Variants in GSE1 observed in about 807,000 individuals in gnomAD.
GSE1 encodes the protein Gse1 coiled-coil protein.
GSE1 carries 32 observed loss-of-function variants against 112.6 expected under a neutral mutation model. The observed-to-expected ratio is 0.28, with a 90% CI of 0.21 to 0.38. GSE1 has a LOEUF of 0.38. Among genes scored for constraint, GSE1 ranks in the 10% least tolerant of loss-of-function variants. The probability of loss-of-function intolerance (pLI) is 1.00; values close to 1 mark genes in which losing one functional copy is unlikely to be tolerated. For synonymous variants in GSE1, 1,115 were observed against 735.6 expected (o/e 1.52, Z -8.35); for missense variants, 2,348 against 1,699.2 (o/e 1.38, Z -6.71).
In GSE1 at chr16:85,627,013, C is replaced by A. The variant is rs961291467; in HGVS notation, c.8-6901C>A. 1.4e-4 allele frequency among the ~76,000 whole-genome samples: 18 copies of A among 125,916 alleles called. 1 individual carries two copies. The highest frequency in any genetic ancestry group is 1.4e-3 in the Admixed American group (16 of 11,486). 82.6% of individuals were successfully genotyped at this position (125,916 alleles called of 152,430 possible). On this transcript the variant is annotated intron_variant, in intron 1 of 15. Transcript: ENST00000253458. ...CTGGGCCAGCCAGCCTTGTCCCTCT[C>A]CACTGGGACTTTGCTTCCTTTTCTT...
At chr16:85,246,409 A>G (rs1247784333) in intron 1 of GSE1, among the ~76,000 whole-genome samples, 1 of 107,818 alleles carries the variant, frequency 9.3e-6, no homozygotes, top group Non-Finnish European at 1.7e-5. Flanking sequence ...CTGTCTACAC[A>G]CACACACACA....
chr16:85,196,515 C>T (rs2074930458), intron 1 of GSE1, among the ~76,000 whole-genome samples: 1 of 152,114 alleles, frequency 6.6e-6, no homozygotes, highest in African/African-American at 2.4e-5. Context: ...AAAAAGGGCC[C>T]TCAGTGTGGC....
At chr16:85,291,291 C>T (rs2151440119) in intron 1 of GSE1, among the ~76,000 whole-genome samples, 1 of 152,340 alleles carries the variant, frequency 6.6e-6, no homozygotes, top group South Asian at 2.1e-4. Flanking sequence ...CCTCACCCTC[C>T]TCCTCCCTGT....
At chr16:85,589,277 TG>T (rs1387209480) in intron 1 of GSE1, among the ~76,000 whole-genome samples, 1 of 152,014 alleles carries the variant, frequency 6.6e-6, no homozygotes, top group Non-Finnish European at 1.5e-5. Context: ...GGAGGGTTTG[TG>T]GGTGGCTTCT....
intron 8 of GSE1, among the ~76,000 whole-genome samples, chr16:85,660,897 T>TG (rs2151955864): frequency 1.3e-5 from 2 of 152,186 alleles, no homozygotes; most frequent in East Asian, 3.9e-4. Context: ...CCCAAAGTGC[T>TG]GGGATTACAG....
chr16:85,458,631 A>G (rs2049896909), intron 2 of GSE1, among the ~76,000 whole-genome samples: 1 of 152,180 alleles, frequency 6.6e-6, no homozygotes, highest in African/African-American at 2.4e-5. Flanking sequence ...CTATCACACC[A>G]CAGCAGCAGT....
intron 8 of GSE1, among the ~76,000 whole-genome samples, chr16:85,660,851 C>G (rs1465201635): frequency 6.6e-6 from 1 of 152,058 alleles, no homozygotes; most frequent in African/African-American, 2.4e-5. Context: ...AGGCTGGTCT[C>G]AAACTGCTGA....
Position 85,483,644 on chromosome 16 carries a change from G to C in GSE1, c.2464+126001G>C, listed in dbSNP as rs183835412. Among the ~76,000 whole-genome samples, 125 of 152,390 alleles carry C rather than the reference G, an allele frequency of 8.2e-4. 2 individuals carry two copies. Among genetic ancestry groups the C allele is most frequent in the African/African-American group, 2.8e-3 (116 of 41,600 alleles). On this transcript the variant is annotated intron_variant, in intron 2 of 2. Transcript: ENST00000637419. ...AAGTGTCTCCGAGGCGGCGGGCTGA[G>C]ACGGATGGGCCTCCTGGCCGCACAC...
At chr16:85,340,388 C>T (rs1394943485) in intron 1 of GSE1, among the ~76,000 whole-genome samples, 1 of 152,088 alleles carries the variant, frequency 6.6e-6, no homozygotes, top group Non-Finnish European at 1.5e-5. Context: ...GCCTGTAATC[C>T]CAGCACTTTG....
intron 1 of GSE1, among the ~76,000 whole-genome samples, chr16:85,221,481 A>T (rs1045191990): frequency 6.6e-6 from 1 of 151,940 alleles, no homozygotes; most frequent in African/African-American, 2.4e-5. Context: ...ACAGACACAC[A>T]CTGCTTATGA....
chr16:85,371,213 G>C (rs1363123204), intron 2 of GSE1, among the ~76,000 whole-genome samples: 5 of 152,218 alleles, frequency 3.3e-5, no homozygotes, highest in Non-Finnish European at 7.3e-5. Context: ...GGGCAGGGGG[G>C]CCAGGGGCTG....
At chr16:85,275,306 G>A (rs1295535406) in intron 1 of GSE1, among the ~76,000 whole-genome samples, 1 of 152,334 alleles carries the variant, frequency 6.6e-6, no homozygotes, top group Non-Finnish European at 1.5e-5. Context: ...AGGAAGGACA[G>A]GACAGAAAAG....
At chr16:85,478,894 T>A (rs1314627640) in intron 2 of GSE1, among the ~76,000 whole-genome samples, 1 of 77,484 alleles carries the variant, frequency 1.3e-5, no homozygotes, top group South Asian at 4.1e-4. Context: ...TTTCTTTCTT[T>A]CTTTCTTTCT....
chr16:85,235,178 C>T (rs1047229950), intron 1 of GSE1, among the ~76,000 whole-genome samples: 2 of 152,048 alleles, frequency 1.3e-5, no homozygotes, highest in Non-Finnish European at 2.9e-5. Context: ...GTCCTTTCTC[C>T]CCAGGCTGGG....
intron 2 of GSE1, among the ~76,000 whole-genome samples, chr16:85,503,876 C>G (rs113118999): frequency 2.0e-5 from 3 of 152,174 alleles, no homozygotes; most frequent in Admixed American, 2.0e-4. Flanking sequence ...ATGCCAGGGA[C>G]GGAAAGCAGC....
At chr16:85,359,501 T>C (rs1306826161) in intron 2 of GSE1, 2 of 439,994 alleles carry the variant, frequency 4.5e-6, no homozygotes, top group Non-Finnish European at 9.2e-6. Flanking sequence ...TGAGCCTCTG[T>C]CCTCACATCT....
chr16:85,230,833 A>AGATGGATG lies in GSE1; in HGVS notation c.2283+59055_2283+59062dup, dbSNP rs201465688. ...ACTACAAATGAGTGTGTGGAAGACT[A>AGATGGATG]GATGGATGGATGGATGGATGGATGG... On this transcript the variant is annotated intron_variant, in intron 1 of 2. Coordinates refer to the GSE1 transcript ENST00000637419. 6.2e-3 allele frequency among the ~76,000 whole-genome samples: 929 copies of AGATGGATG among 150,232 alleles called. 8 individuals carry two copies. The highest frequency in any genetic ancestry group is 0.016 in the African/African-American group (672 of 40,908).
At chr16:85,246,498 A>ACGCCCCCCCCCCCC (rs1567636430) in intron 1 of GSE1, among the ~76,000 whole-genome samples, 1 of 31,520 alleles carries the variant, frequency 3.2e-5, no homozygotes, top group African/African-American at 1.1e-4. Context: ...CACACTCTAC[A>ACGCCCCCCCCCCCC]CACCCCCCCC....
At chr16:85,355,233 AAAC>A (rs1308765800) in intron 1 of GSE1, among the ~76,000 whole-genome samples, 14 of 151,636 alleles carry the variant, frequency 9.2e-5, no homozygotes, top group African/African-American at 3.4e-4. Context: ...AAGAAAAAAA[AAAC>A]AAAAAACCGG....
Sources: allele counts gnomAD v4.1 joint callset (sites outside exome capture counted in the v4.1 genomes callset), GRCh38; gene constraint gnomAD v4.1.1; transcripts MANE v1.5; gene names NCBI Gene and HGNC (gene_info 2026-07-23, HGNC 2026-07-21).